The following CDH4 variants were observed in gnomAD, a reference collection of about 807,000 sequenced individuals.
CDH4 encodes the protein cadherin-4.
CDH4 carries 33 observed loss-of-function variants against 86.0 expected under a neutral mutation model. That is an observed-to-expected ratio of 0.38 (90% CI 0.29 to 0.51). CDH4 has a LOEUF of 0.51. Ranked by LOEUF, CDH4 falls within the 20% of genes least tolerant of loss-of-function variation. The pLI, the probability that CDH4 is intolerant of heterozygous loss-of-function variation, is 0.86. For synonymous variants in CDH4, 555 were observed against 549.4 expected (o/e 1.01, Z -0.14); for missense variants, 1,114 against 1,307.4 (o/e 0.85, Z 2.28).
At chr20:61,741,681 CG>C (rs1187525170) in intron 2 of CDH4, among the ~76,000 whole-genome samples, 2 of 151,860 alleles carry the variant, frequency 1.3e-5, no homozygotes, top group Non-Finnish European at 2.9e-5. Context: ...TTAGTAGAGA[CG>C]GGGTTTCACC....
chr20:61,502,710 C>T (rs747960443), intron 2 of CDH4, among the ~76,000 whole-genome samples: 7 of 152,162 alleles, frequency 4.6e-5, no homozygotes, highest in East Asian at 1.9e-4. Flanking sequence ...TCAAAACAGT[C>T]GCCAACATCA....
chr20:61,793,259 C>T (rs1046589044), intron 4 of CDH4, among the ~76,000 whole-genome samples: 2 of 152,126 alleles, frequency 1.3e-5, no homozygotes, highest in African/African-American at 4.8e-5. Context: ...GCCACTGTGC[C>T]TGGCCCAGAT....
intron 4 of CDH4, among the ~76,000 whole-genome samples, chr20:61,813,688 T>C (rs1247266681): frequency 6.6e-6 from 1 of 152,202 alleles, no homozygotes; most frequent in East Asian, 1.9e-4. Flanking sequence ...TGCCTGGGCC[T>C]CTTTCGGGGC....
In CDH4 at chr20:61,807,479, C is replaced by T. The variant is rs1288230093; in HGVS notation, c.576+34297C>T. On this transcript the variant is annotated intron_variant, in intron 4 of 15. Coordinates refer to ENST00000614565, the MANE Select transcript of CDH4 (RefSeq NM_001794.5). This position sits in a 1 kb window ranked among gnomAD's most constrained non-coding sequence, Gnocchi z 4.5. ...ATGTGTTGGATTTGGAAATCTCCCT[C>T]CTCTTTCTACTCCATCTCCTCCCGG... Among the ~76,000 whole-genome samples the T allele has an allele frequency of 5.9e-5, 9 of 152,196 alleles. No individual in the cohort carries two copies. The highest frequency in any genetic ancestry group is 2.2e-4 in the African/African-American group (9 of 41,444).
chr20:61,353,688 C>CT (rs2084729138), intron 2 of CDH4, among the ~76,000 whole-genome samples: 1 of 39,834 alleles, frequency 2.5e-5, no homozygotes, highest in Non-Finnish European at 4.9e-5. Flanking sequence ...TCCTCCCCCT[C>CT]CTCCTCCCCT....
chr20:61,453,170 A>G (rs1473868150), intron 2 of CDH4, among the ~76,000 whole-genome samples: 1 of 152,142 alleles, frequency 6.6e-6, no homozygotes, highest in Non-Finnish European at 1.5e-5. Context: ...ATATTAAGTA[A>G]TTTTAATGTC....
Position 61,676,450 on chromosome 20 carries a change from G to A in CDH4, c.170-67113G>A, listed in dbSNP as rs2087445346. 6.6e-6 allele frequency among the ~76,000 whole-genome samples: 1 copy of A among 152,156 alleles called. No homozygotes were observed. The highest frequency in any genetic ancestry group is 6.5e-5 in the Admixed American group (1 of 15,292). On this transcript the variant is annotated intron_variant, in intron 2 of 15. Coordinates refer to ENST00000614565, the MANE Select transcript of CDH4 (RefSeq NM_001794.5). The surrounding 1 kb of genome is among the most constrained non-coding windows in gnomAD (Gnocchi z 4.5). ...GGGGAGGGATGGTGTGAACAATGGA[G>A]GCCCGGGGCTCCCTCCTCCTGGGTC... is the stretch of plus-strand genomic sequence containing the variant.
intron 4 of CDH4, among the ~76,000 whole-genome samples, chr20:61,835,041 G>A (rs1981802054): frequency 1.3e-5 from 2 of 152,202 alleles, no homozygotes; most frequent in African/African-American, 4.8e-5. Context: ...CAGAAAGAAT[G>A]CAGGCAACAA....
At chr20:61,552,598 G>T (rs969550682) in intron 2 of CDH4, among the ~76,000 whole-genome samples, 2 of 152,222 alleles carry the variant, frequency 1.3e-5, no homozygotes, top group Admixed American at 1.3e-4. Flanking sequence ...TACTCAGGAG[G>T]CTGAGGCAGG....
chr20:61,308,006 C>T (rs539746416), intron 2 of CDH4, among the ~76,000 whole-genome samples: 4 of 152,274 alleles, frequency 2.6e-5, no homozygotes, highest in East Asian at 1.9e-4. Context: ...AGCCACATGC[C>T]GAGTCCAGGC....
chr20:61,933,975 G>T (rs1037151531), intron 14 of CDH4, 81 bp from the exon 15 acceptor site: 46 of 1,519,042 alleles, frequency 3.0e-5, no homozygotes, highest in Non-Finnish European at 3.8e-5. Flanking sequence ...TGTGGCCCAG[G>T]TGACAGAAAA....
rs1555821326 is a variant in CDH4, at chr20:61,661,093, G to GGGAGGC, written c.170-82466_170-82465insGCGGAG. On this transcript the variant is annotated intron_variant, in intron 2 of 15. Coordinates refer to ENST00000614565, the MANE Select transcript of CDH4 (RefSeq NM_001794.5). The stretch of plus-strand genomic sequence containing the variant: ...TGGACAGGAGGCATGGCGGGGGGGG[G>GGGAGGC]GGAGACACAGTGCCAGGCTCATGCC... Among the ~76,000 whole-genome samples the GGGAGGC allele has an allele frequency of 2.0e-5, 2 of 102,206 alleles. 1 individual carries two copies. Among genetic ancestry groups the GGGAGGC allele is most frequent in the Non-Finnish European group, 5.2e-5 (2 of 38,492 alleles). The allele number at this position is 102,206 out of a possible 152,430, so 67.1% of individuals were successfully genotyped here. A position where few individuals can be genotyped will look rare whatever the true frequency, so the allele number is the denominator to read the frequency against.
At chr20:61,740,429 G>A (rs1334261713) in intron 2 of CDH4, 1 of 152,222 alleles carries the variant, frequency 6.6e-6, no homozygotes, top group African/African-American at 2.4e-5. Context: ...TACATTCAGT[G>A]CTAATGTTCT....
chr20:61,612,957 G>A (rs776601439), intron 2 of CDH4, among the ~76,000 whole-genome samples: 3 of 151,972 alleles, frequency 2.0e-5, no homozygotes, highest in Admixed American at 2.0e-4. Context: ...TCTCTGTGTT[G>A]TGTACAAAGC....
At chr20:61,264,782 G>C (rs6071559) in intron 2 of CDH4, among the ~76,000 whole-genome samples, 3,386 of 27,354 alleles carry the variant, frequency 0.12, 38 homozygotes, top group African/African-American at 0.2. Flanking sequence ...TTCAGTCCTA[G>C]ACATACCCCA....
chr20:61,931,523 G>A (rs892461754), intron 13 of CDH4, among the ~76,000 whole-genome samples: 2 of 152,122 alleles, frequency 1.3e-5, no homozygotes, highest in African/African-American at 2.4e-5. Flanking sequence ...CGCCCCTCTC[G>A]CCTCCGGGCT....
chr20:61,566,951 C>T (rs985216106), intron 2 of CDH4, among the ~76,000 whole-genome samples: 11 of 152,108 alleles, frequency 7.2e-5, no homozygotes, highest in African/African-American at 2.2e-4. Flanking sequence ...CTGTTGCCAG[C>T]GGCGGTGATG....
chr20:61,857,657 T>C (rs1431697507), intron 6 of CDH4, among the ~76,000 whole-genome samples: 4 of 152,242 alleles, frequency 2.6e-5, no homozygotes, highest in Admixed American at 6.5e-5. Flanking sequence ...GGGATTTCAC[T>C]GGAAGAAATG....
intron 2 of CDH4, chr20:61,718,090 C>CGCTGATA (rs1476578009): frequency 2.0e-5 from 3 of 152,696 alleles, no homozygotes; most frequent in Non-Finnish European, 4.4e-5. Context: ...ACTGTAGCCA[C>CGCTGATA]GCTGACCTGG....
Sources: gnomAD v4.1 joint callset for allele counts (sites outside exome capture counted in the v4.1 genomes callset) on GRCh38, gnomAD v4.1.1 for gene constraint, Gnocchi (gnomAD v3.1) non-coding constraint, MANE v1.5 for transcripts, NCBI Gene and HGNC (gene_info 2026-07-23, HGNC 2026-07-21) for gene names.